Variants in DCC observed in about 807,000 individuals in gnomAD.
DCC encodes netrin receptor DCC.
A neutral mutation model predicts 172.5 loss-of-function variants in DCC; 58 were observed. The observed-to-expected ratio is 0.34, with a 90% CI of 0.27 to 0.42. DCC has a LOEUF of 0.42. Among genes scored for constraint, DCC ranks in the 10% least tolerant of loss-of-function variants. The probability of loss-of-function intolerance (pLI) is 1.00; values close to 1 mark genes in which losing one functional copy is unlikely to be tolerated. For missense variants in DCC, 1,740 were observed against 1,791.0 expected, an observed-to-expected ratio of 0.97 and a Z score of 0.51; for synonymous variants, 709 against 644.5, an observed-to-expected ratio of 1.10 and a Z score of -1.52.
In DCC at chr18:53,467,895, T is replaced by A; in HGVS notation, c.3621T>A (p.Gly1207=). 3.2e-6 allele frequency: 5 copies of A among 1,556,328 alleles called. No individual in the cohort carries two copies. The highest frequency in any genetic ancestry group is 4.4e-6 in the Non-Finnish European group (5 of 1,127,440). Residue 1207 remains glycine, a splice_region_variant and synonymous_variant, in exon 25 of 29, where the codon GGT becomes GGA. Coordinates refer to ENST00000442544, the MANE Select transcript of DCC (RefSeq NM_005215.4). ...TTCTCAGGAGTGTGTATTTTTTAGG[T>A]CAAGACACTGAGGAAGCAGGGAGCT... The part of the protein sequence containing the change: ...QLGSKSTSHS[G]QDTEEAGSSM...
intron 5 of DCC, among the ~76,000 whole-genome samples, chr18:52,946,083 G>A (rs1455859186): frequency 2.0e-5 from 3 of 152,034 alleles, no homozygotes; most frequent in African/African-American, 7.2e-5. Context: ...AATTTGGTAT[G>A]ACTCAATATA....
At chr18:53,470,354 A>G (rs796246180) in intron 25 of DCC, among the ~76,000 whole-genome samples, 14 of 152,240 alleles carry the variant, frequency 9.2e-5, no homozygotes, top group African/African-American at 2.9e-4. Flanking sequence ...TTCATTGTCC[A>G]TATCACTACA....
chr18:53,176,317 A>C, intron 8 of DCC, among the ~76,000 whole-genome samples: 1 of 129,984 alleles, frequency 7.7e-6, no homozygotes. Context: ...CAAAAGCCAA[A>C]ATTGACAAAT....
At chr18:52,596,833 A>G (rs1057274177) in intron 1 of DCC, among the ~76,000 whole-genome samples, 1 of 152,118 alleles carries the variant, frequency 6.6e-6, no homozygotes, top group African/African-American at 2.4e-5. Context: ...TTCTTCCTAC[A>G]TGGCTCAGGT....
chr18:52,837,722 C>T (rs2038731564), intron 2 of DCC, among the ~76,000 whole-genome samples: 1 of 152,206 alleles, frequency 6.6e-6, no homozygotes, highest in Non-Finnish European at 1.5e-5. Flanking sequence ...TCTAACGTTA[C>T]TTCCACATTT....
At chr18:52,926,627 G>A (rs547920499) in intron 5 of DCC, among the ~76,000 whole-genome samples, 14 of 151,586 alleles carry the variant, frequency 9.2e-5, no homozygotes, top group Non-Finnish European at 1.8e-4. Context: ...TATGGAATAC[G>A]CTAGAATTTA....
In DCC at chr18:52,642,041, T is replaced by C. The variant is rs1366678230; in HGVS notation, c.92-110013T>C. ...ATATATATATATATATATATATATA[T>C]ATATACTGTGGTGTGTGTGTGTATA... On this transcript the variant is annotated intron_variant, in intron 1 of 28. Transcript: ENST00000442544. Among the ~76,000 whole-genome samples, 59 of 8,292 alleles carry C rather than the reference T, an allele frequency of 7.1e-3. 1 individual carries two copies. The highest frequency in any genetic ancestry group is 0.049 in the East Asian group (11 of 224). The allele number at this position is 8,292 out of a possible 152,430, so 5.4% of individuals were successfully genotyped here. A position where few individuals can be genotyped will look rare whatever the true frequency, so the allele number is the denominator to read the frequency against.
Position 52,504,281 on chromosome 18 carries a change from A to G in DCC, c.91+163403A>G, listed in dbSNP as rs531037183. On this transcript the variant is annotated intron_variant, in intron 1 of 28. Transcript: ENST00000442544. ...AGATGTATTCTCTGGTTCTACTTTT[A>G]GCATCATGGAGGCCTTGAGTCTGGC... 2.7e-4 allele frequency among the ~76,000 whole-genome samples: 41 copies of G among 152,268 alleles called. No homozygotes were observed. The South Asian group carries it at 8.3e-3, about 31-fold the overall frequency.
intron 3 of DCC, among the ~76,000 whole-genome samples, chr18:52,911,534 A>G (rs541070984): frequency 1.3e-5 from 2 of 152,192 alleles, no homozygotes; most frequent in South Asian, 2.1e-4. Context: ...CATGATATTA[A>G]CTACTTATTA....
At chr18:52,912,201 A>G (rs905538793) in intron 3 of DCC, among the ~76,000 whole-genome samples, 2 of 152,066 alleles carry the variant, frequency 1.3e-5, no homozygotes, top group South Asian at 4.1e-4. Flanking sequence ...CTGAATCTTT[A>G]TTTATCTTAT....
intron 15 of DCC, among the ~76,000 whole-genome samples, chr18:53,364,291 G>A (rs1474118770): frequency 6.6e-6 from 1 of 152,000 alleles, no homozygotes; most frequent in African/African-American, 2.4e-5. Context: ...GATTAAATAG[G>A]TAAAGTATAT....
chr18:52,787,708 G>A (rs975716284), intron 2 of DCC, among the ~76,000 whole-genome samples: 3 of 152,068 alleles, frequency 2.0e-5, no homozygotes, highest in Admixed American at 2.0e-4. Context: ...GATACTAGAA[G>A]TTTGATTTTT....
chr18:52,713,429 A>G (rs953247600), intron 1 of DCC, among the ~76,000 whole-genome samples: 5 of 152,204 alleles, frequency 3.3e-5, no homozygotes, highest in African/African-American at 1.2e-4. Context: ...GAAAACAGAA[A>G]GCAGAAAAGG....
At chr18:53,180,034 C>G (rs1215871100) in intron 9 of DCC, among the ~76,000 whole-genome samples, 1 of 152,070 alleles carries the variant, frequency 6.6e-6, no homozygotes, top group East Asian at 1.9e-4. Flanking sequence ...AGAGGTATAT[C>G]AAAATCACCT....
chr18:53,350,811 A>C (rs749521622), intron 15 of DCC, among the ~76,000 whole-genome samples: 2 of 152,158 alleles, frequency 1.3e-5, no homozygotes, highest in Non-Finnish European at 2.9e-5. Context: ...TTAAAAATCT[A>C]AACCACACAG....
At chr18:52,669,587 G>A (rs2035515566) in intron 1 of DCC, among the ~76,000 whole-genome samples, 1 of 152,138 alleles carries the variant, frequency 6.6e-6, no homozygotes, top group Non-Finnish European at 1.5e-5. Flanking sequence ...GGTTTCAATG[G>A]TCCATGTCTC....
chr18:53,283,597 T>C (rs2056898191), intron 12 of DCC, among the ~76,000 whole-genome samples: 1 of 152,218 alleles, frequency 6.6e-6, no homozygotes, highest in Non-Finnish European at 1.5e-5. Context: ...CTTATTCCAT[T>C]GCTCACTGAG....
intron 7 of DCC, among the ~76,000 whole-genome samples, chr18:53,087,685 T>C (rs959421944): frequency 4.8e-4 from 73 of 151,952 alleles, no homozygotes; most frequent in African/African-American, 1.6e-3. Context: ...CCCATGCCTA[T>C]GTCCTGAATG....
At chr18:53,170,328 T>TC (rs1227819771) in intron 8 of DCC, among the ~76,000 whole-genome samples, 2 of 152,230 alleles carry the variant, frequency 1.3e-5, no homozygotes, top group Non-Finnish European at 2.9e-5. Flanking sequence ...ATGAATATTT[T>TC]CATTATTGGA....
Sources: gnomAD v4.1 joint callset for allele counts (sites outside exome capture counted in the v4.1 genomes callset) on GRCh38, gnomAD v4.1.1 for gene constraint, MANE v1.5 for transcripts, NCBI Gene and HGNC (gene_info 2026-07-23, HGNC 2026-07-21) for gene names.